The following SV2B variants were observed in gnomAD, a reference collection of about 807,000 sequenced individuals.
SV2B encodes solute carrier family 22 member B2.
In SV2B, 41 loss-of-function variants were observed where a neutral mutation model predicts 73.9. The observed-to-expected ratio is 0.56, with a 90% CI of 0.43 to 0.72. The LOEUF is 0.72. Among genes scored for constraint, SV2B ranks in the 30% least tolerant of loss-of-function variants. The pLI is 0.00. For missense variants in SV2B, 764 were observed against 857.8 expected (o/e 0.89, Z 1.37); for synonymous variants, 314 against 314.2 (o/e 1.00, Z 0.01).
chr15:91,221,595 T>C (rs1401081732), intron 1 of SV2B, among the ~76,000 whole-genome samples: 1 of 151,982 alleles, frequency 6.6e-6, no homozygotes, highest in Non-Finnish European at 1.5e-5. Context: ...CACCACTTGT[T>C]CTCCTGTGGG....
rs1425349308 is a variant in SV2B, at chr15:91,141,745, G to T, written c.-392+41382G>T. 5.0e-4 allele frequency among the ~76,000 whole-genome samples: 72 copies of T among 145,438 alleles called. No homozygotes were observed. Among genetic ancestry groups the T allele is most frequent in the Admixed American group, 2.4e-3 (35 of 14,670 alleles). On this transcript the variant is annotated intron_variant, in intron 1 of 12. Coordinates refer to ENST00000394232, the MANE Select transcript of SV2B (RefSeq NM_001323032.3). The surrounding 1 kb of genome is among the most constrained non-coding windows in gnomAD (Gnocchi z 4.6). The stretch of plus-strand genomic sequence containing the variant: ...TGCCAAATAGTTTGGGTTTTGTTTT[G>T]TTTTTTTTTTTGGACAGAGGTCACA...
intron 2 of SV2B, among the ~76,000 whole-genome samples, chr15:91,248,699 G>A (rs2047353294): frequency 6.6e-6 from 1 of 152,164 alleles, no homozygotes; most frequent in African/African-American, 2.4e-5. Context: ...CCCCAGACCA[G>A]CAGCACTGGC....
chr15:91,188,595 G>A (rs542541549), intron 1 of SV2B, among the ~76,000 whole-genome samples: 9 of 152,020 alleles, frequency 5.9e-5, no homozygotes, highest in East Asian at 1.9e-4. Flanking sequence ...GATTACAGGC[G>A]TGAGCCACCA....
chr15:91,211,062 A>G (rs990068924), intron 1 of SV2B, among the ~76,000 whole-genome samples: 7 of 152,210 alleles, frequency 4.6e-5, no homozygotes, highest in Non-Finnish European at 8.8e-5. Flanking sequence ...AAAGGAGAAA[A>G]TGAAGTTGGA....
intron 9 of SV2B, among the ~76,000 whole-genome samples, chr15:91,273,990 A>G (rs935005011): frequency 6.6e-6 from 1 of 152,176 alleles, no homozygotes; most frequent in Non-Finnish European, 1.5e-5. Context: ...AAATTATGCA[A>G]CTTGTTTTTT....
chr15:91,244,499 G>A (rs767873773), intron 2 of SV2B, among the ~76,000 whole-genome samples: 4 of 152,082 alleles, frequency 2.6e-5, no homozygotes, highest in East Asian at 3.9e-4. Flanking sequence ...AAACCTTTTC[G>A]ACCCAAAAGA....
chr15:91,120,819 A>T (rs1194061199), intron 1 of SV2B, among the ~76,000 whole-genome samples: 1 of 151,104 alleles, frequency 6.6e-6, no homozygotes, highest in Non-Finnish European at 1.5e-5. Context: ...CTCAAAAAAA[A>T]AAAAAAAGAA....
chr15:91,156,649 T>C (rs7494915), intron 1 of SV2B, among the ~76,000 whole-genome samples: 9 of 152,292 alleles, frequency 5.9e-5, no homozygotes, highest in Admixed American at 3.9e-4. Context: ...TAAACATACA[T>C]ACAGGGTCAA....
intron 1 of SV2B, chr15:91,102,044 A>T (rs12913734): frequency 6.6e-6 from 1 of 151,824 alleles, no homozygotes; most frequent in South Asian, 2.1e-4. Flanking sequence ...AGCCCAGTTC[A>T]AAAGGAAAAC....
At chr15:91,162,888 T>C (rs1412387432) in intron 1 of SV2B, among the ~76,000 whole-genome samples, 5 of 152,182 alleles carry the variant, frequency 3.3e-5, no homozygotes, top group Non-Finnish European at 7.3e-5. Flanking sequence ...GTCATTTACA[T>C]TAGGTATATC....
intron 9 of SV2B, among the ~76,000 whole-genome samples, chr15:91,270,887 G>A (rs528277959): frequency 7.2e-6 from 1 of 139,398 alleles, no homozygotes. Flanking sequence ...TGAATCTTGT[G>A]GATGATGGGA....
In SV2B at chr15:91,289,120, T is replaced by C. The variant is rs2048956435; in HGVS notation, c.1709-401T>C. 6.6e-6 allele frequency among the ~76,000 whole-genome samples: 1 copy of C among 152,234 alleles called. No individual in the cohort carries two copies. The highest frequency in any genetic ancestry group is 1.5e-5 in the Non-Finnish European group (1 of 68,028). On this transcript the variant is annotated intron_variant, in intron 11 of 12. Coordinates refer to ENST00000394232, the MANE Select transcript of SV2B (RefSeq NM_001323032.3). The surrounding 1 kb of genome is among the most constrained non-coding windows in gnomAD (Gnocchi z 4.9). ...AGAAGCACAGATCTCTTTGACATCC[T>C]GGTTTCAAATCAAGACTGAGGTTTT...
rs1334318709 is a variant in SV2B at position 91,295,553 on chromosome 15, T to TA, written c.*3004dup. ...TTGCAACATGGGGACCTTGAGAGGT[T>TA]AAACGATGTGGCCCAGATTACATGT... On this transcript the variant is annotated 3_prime_UTR_variant, in exon 13 of 13. Coordinates refer to ENST00000394232, the MANE Select transcript of SV2B (RefSeq NM_001323032.3). 6.6e-6 allele frequency: 1 copy of TA among 152,142 alleles called. No homozygotes were observed. The highest frequency in any genetic ancestry group is 2.4e-5 in the African/African-American group (1 of 41,420). The allele number at this position is 152,142 out of a possible 1,614,324, so 9.4% of individuals were successfully genotyped here. A position where few individuals can be genotyped will look rare whatever the true frequency, so the allele number is the denominator to read the frequency against.
chr15:91,175,750 T>G (rs928687620), intron 1 of SV2B, among the ~76,000 whole-genome samples: 3 of 151,740 alleles, frequency 2.0e-5, no homozygotes, highest in Non-Finnish European at 2.9e-5. Context: ...ATAGATCTAA[T>G]CTAATCTTGA....
At position 91,290,212 on chromosome 15, in the gene SV2B, C is replaced by G. The variant is rs548461495; in HGVS notation, c.1868+532C>G. ...AGGCCATTACTTAGTAATTGTTTTT[C>G]TTCGTGGAGGGGAATTGTAAAGTTT... On this transcript the variant is annotated intron_variant, in intron 12 of 12. Transcript: ENST00000394232. The surrounding 1 kb of genome is among the most constrained non-coding windows in gnomAD (Gnocchi z 4.7). 5.9e-5 allele frequency among the ~76,000 whole-genome samples: 9 copies of G among 152,244 alleles called. No individual in the cohort carries two copies. The highest frequency in any genetic ancestry group is 2.2e-4 in the African/African-American group (9 of 41,544).
At chr15:91,257,620 A>G (rs1392043367) in intron 4 of SV2B, among the ~76,000 whole-genome samples, 1 of 152,186 alleles carries the variant, frequency 6.6e-6, no homozygotes, top group Non-Finnish European at 1.5e-5. Flanking sequence ...GTGTTTTTCA[A>G]AATGTGGTCC....
At chr15:91,145,008 C>T (rs929831451) in intron 1 of SV2B, among the ~76,000 whole-genome samples, 1 of 151,196 alleles carries the variant, frequency 6.6e-6, no homozygotes, top group Non-Finnish European at 1.5e-5. Context: ...ATTTTAAGTT[C>T]AGGGGTACAT....
At chr15:91,176,362 T>A (rs1011343577) in intron 1 of SV2B, among the ~76,000 whole-genome samples, 2 of 151,766 alleles carry the variant, frequency 1.3e-5, no homozygotes, top group Non-Finnish European at 2.9e-5. Context: ...CATGTGCATG[T>A]GTCTTTATAG....
chr15:91,127,017 T>C (rs185656104), intron 1 of SV2B, among the ~76,000 whole-genome samples: 19 of 152,316 alleles, frequency 1.2e-4, no homozygotes, highest in Non-Finnish European at 2.1e-4. Flanking sequence ...TGAAAGAACT[T>C]GGACTCAAAT....
Sources: allele counts gnomAD v4.1 joint callset (sites outside exome capture counted in the v4.1 genomes callset), GRCh38; gene constraint gnomAD v4.1.1; non-coding constraint Gnocchi (gnomAD v3.1); transcripts MANE v1.5; gene names NCBI Gene and HGNC (gene_info 2026-07-23, HGNC 2026-07-21).